The following RORB variants were observed in gnomAD, a reference collection of about 807,000 sequenced individuals.
The protein encoded by RORB is RAR related orphan receptor B, also known as nuclear receptor ROR-beta.
Under a neutral mutation model 59.1 loss-of-function variants are expected in RORB, and 6 were observed. The ratio of observed to expected loss-of-function variants is 0.10; its 90% CI spans 0.06 to 0.20. RORB has a LOEUF of 0.20. Ranked by LOEUF, RORB falls within the 10% of genes least tolerant of loss-of-function variation. The pLI is 1.00. For missense variants in RORB, 320 were observed against 560.5 expected (o/e 0.57, Z 4.33); for synonymous variants, 215 against 204.5 (o/e 1.05, Z -0.44).
intron 1 of RORB, among the ~76,000 whole-genome samples, chr9:74,596,691 T>C (rs1046591581): frequency 3.9e-5 from 6 of 152,172 alleles, no homozygotes; most frequent in African/African-American, 1.4e-4. Flanking sequence ...CAAGTTTGGA[T>C]TGATGATTCC....
At chr9:74,571,381 C>T (rs867769966) in intron 1 of RORB, among the ~76,000 whole-genome samples, 1 of 149,374 alleles carries the variant, frequency 6.7e-6, no homozygotes, top group Non-Finnish European at 1.5e-5. Context: ...TTTTTCACTA[C>T]AGTACTTGCT....
rs759340843 is a variant in RORB, at chr9:74,538,648, A to G, written c.7+40665A>G. On this transcript the variant is annotated intron_variant, in intron 1 of 9. Transcript: ENST00000376896. The stretch of plus-strand genomic sequence containing the variant: ...AAAACTTTGGGAAACATTTATTTAT[A>G]TATGTGCATGTATGTACAGATTATA... 3.0e-4 allele frequency among the ~76,000 whole-genome samples: 46 copies of G among 151,944 alleles called. 1 individual carries two copies. Among genetic ancestry groups the G allele is most frequent in the Non-Finnish European group, 5.7e-4 (39 of 67,918 alleles).
intron 9 of RORB, among the ~76,000 whole-genome samples, 192 bp from the exon 10 acceptor site, chr9:74,685,271 G>T (rs1379060307): frequency 1.3e-5 from 2 of 151,548 alleles, no homozygotes; most frequent in Non-Finnish European, 2.9e-5. Context: ...ATGGTGTCCG[G>T]GGGGGCGGGG....
At chr9:74,636,120 T>A (rs916564625) in intron 3 of RORB, among the ~76,000 whole-genome samples, 4 of 152,240 alleles carry the variant, frequency 2.6e-5, no homozygotes, top group East Asian at 1.9e-4. Flanking sequence ...CTAAGATAAA[T>A]TTATAGCAAT....
chr9:74,598,751 C>T lies in RORB; in HGVS notation c.8-31531C>T, dbSNP rs187918940. 3.8e-3 allele frequency among the ~76,000 whole-genome samples: 582 copies of T among 152,200 alleles called. 3 individuals carry two copies. The highest frequency in any genetic ancestry group is 5.9e-3 in the Admixed American group (90 of 15,292). ...TTGACTGTCCTGTTTAGTGTCACTA[C>T]GACAGAATACCTGAGGCTGGGTGAT... On this transcript the variant is annotated intron_variant, in intron 1 of 9. Coordinates refer to ENST00000376896, the MANE Select transcript of RORB (RefSeq NM_006914.4).
At chr9:74,648,182 T>C (rs1345000000) in intron 4 of RORB, among the ~76,000 whole-genome samples, 1 of 152,198 alleles carries the variant, frequency 6.6e-6, no homozygotes, top group African/African-American at 2.4e-5. Flanking sequence ...GTTTAGCTCT[T>C]TCTTCCTTGC....
At chr9:74,677,158 G>A (rs1433278987) in intron 9 of RORB, among the ~76,000 whole-genome samples, 1 of 152,144 alleles carries the variant, frequency 6.6e-6, no homozygotes, top group Non-Finnish European at 1.5e-5. Flanking sequence ...AGAGAGAGTA[G>A]ATTGATCTAA....
intron 1 of RORB, among the ~76,000 whole-genome samples, chr9:74,515,371 A>G (rs948194434): frequency 1.3e-5 from 2 of 151,764 alleles, no homozygotes; most frequent in East Asian, 1.9e-4. Context: ...CAGGCACTCT[A>G]TCTCCTGAGT....
chr9:74,626,035 G>C (rs76198706), intron 1 of RORB, among the ~76,000 whole-genome samples: 2 of 152,138 alleles, frequency 1.3e-5, no homozygotes, highest in African/African-American at 4.8e-5. Context: ...TGTTACTAGC[G>C]GAGGTTCTGA....
intron 1 of RORB, among the ~76,000 whole-genome samples, chr9:74,566,080 G>C (rs1822464196): frequency 6.6e-6 from 1 of 152,132 alleles, no homozygotes. Flanking sequence ...ACTTATTGAG[G>C]GCAATGGTAA....
At chr9:74,618,672 A>G (rs957594935) in intron 1 of RORB, among the ~76,000 whole-genome samples, 1 of 152,114 alleles carries the variant, frequency 6.6e-6, no homozygotes, top group African/African-American at 2.4e-5. Context: ...TACTGCGTCT[A>G]TCAATGAACA....
At chr9:74,619,607 A>C (rs1201690956) in intron 1 of RORB, among the ~76,000 whole-genome samples, 1 of 152,118 alleles carries the variant, frequency 6.6e-6, no homozygotes, top group Non-Finnish European at 1.5e-5. Context: ...GTGCACCACC[A>C]TGCCCAGCTA....
At chr9:74,659,414 A>C (rs1201097575) in intron 4 of RORB, among the ~76,000 whole-genome samples, 1 of 152,238 alleles carries the variant, frequency 6.6e-6, no homozygotes, top group Non-Finnish European at 1.5e-5. Context: ...ACTAGTGTTC[A>C]ACTAGCAGGT....
intron 1 of RORB, among the ~76,000 whole-genome samples, chr9:74,544,480 G>T (rs1287252363): frequency 1.3e-5 from 2 of 152,172 alleles, no homozygotes; most frequent in Non-Finnish European, 1.5e-5. Flanking sequence ...AAATAAATGT[G>T]CTCTGAGGCT....
intron 1 of RORB, chr9:74,615,726 G>A: frequency 5.8e-6 from 2 of 344,020 alleles, no homozygotes; most frequent in Non-Finnish European, 1.2e-5. Flanking sequence ...TAAGCTCTCA[G>A]CAAAATAAAT....
intron 1 of RORB, among the ~76,000 whole-genome samples, chr9:74,619,532 A>C (rs1282239124): frequency 6.6e-6 from 1 of 152,096 alleles, no homozygotes; most frequent in Non-Finnish European, 1.5e-5. Flanking sequence ...GCTCACTGCA[A>C]CCTCTGCCTC....
chr9:74,614,406 T>C (rs1454968680), intron 1 of RORB, among the ~76,000 whole-genome samples: 1 of 152,158 alleles, frequency 6.6e-6, no homozygotes, highest in African/African-American at 2.4e-5. Context: ...AAGCCATTTG[T>C]CATAATAGTG....
Position 74,642,497 on chromosome 9 carries a change from C to G in RORB, c.319C>G (p.Gln107Glu). ...VQKHQQRLQE[Q>E]RQQQSGEAEA... ...GAAGCACCAGCAGCGGCTGCAGGAACAGCGGCAGCAGCAGAGTGGGGAGGC... is the reference window on the plus strand; with the variant it reads ...GAAGCACCAGCAGCGGCTGCAGGAAGAGCGGCAGCAGCAGAGTGGGGAGGC... The change falls in exon 4 of 10, where the codon CAG becomes GAG. Residue 107 changes from glutamine to glutamate, a missense_variant. Physicochemically the swap from Gln to Glu is conservative, Grantham distance 29. Coordinates refer to ENST00000376896, the MANE Select transcript of RORB (RefSeq NM_006914.4). The G allele has an allele frequency of 6.2e-7, 1 of 1,614,246 alleles. No individual in the cohort carries two copies. Among genetic ancestry groups the G allele is most frequent in the Non-Finnish European group, 8.5e-7 (1 of 1,180,034 alleles).
chr9:74,623,242 A>G (rs1356225353), intron 1 of RORB, among the ~76,000 whole-genome samples: 2 of 152,184 alleles, frequency 1.3e-5, no homozygotes, highest in Non-Finnish European at 2.9e-5. Flanking sequence ...CAACCGCAAG[A>G]GTGAGTGTAC....
Sources: allele counts gnomAD v4.1 joint callset (sites outside exome capture counted in the v4.1 genomes callset), GRCh38; gene constraint gnomAD v4.1.1; transcripts MANE v1.5; gene names NCBI Gene and HGNC (gene_info 2026-07-23, HGNC 2026-07-21).